The following B3GALT1 variants were observed in gnomAD, a reference collection of about 807,000 sequenced individuals.
The protein encoded by B3GALT1 is beta-1,3-galactosyltransferase 1.
A neutral mutation model predicts 23.2 loss-of-function variants in B3GALT1; 10 were observed. The ratio of observed to expected loss-of-function variants is 0.43; its 90% CI spans 0.27 to 0.73. The LOEUF is 0.73. B3GALT1 is among the 30% of genes least tolerant of loss of function. B3GALT1 has a pLI of 0.21. For missense variants in B3GALT1, 299 were observed against 405.4 expected (o/e 0.74, Z 2.25); for synonymous variants, 156 against 141.5 (o/e 1.10, Z -0.73).
chr2:167,535,316 G>T (rs78027524), intron 2 of B3GALT1, among the ~76,000 whole-genome samples: 1,820 of 152,162 alleles, frequency 0.012, 17 homozygotes, highest in Middle Eastern at 0.02. Flanking sequence ...TGAAAGTGGT[G>T]ACCCTGGAGT....
intron 2 of B3GALT1, among the ~76,000 whole-genome samples, chr2:167,581,501 T>G (rs1684482429): frequency 6.6e-6 from 1 of 152,240 alleles, no homozygotes; most frequent in Non-Finnish European, 1.5e-5. Context: ...GACTAAGTAT[T>G]TCTGCTGGGT....
intron 4 of B3GALT1, among the ~76,000 whole-genome samples, chr2:167,859,495 C>T (rs78551558): frequency 0.062 from 9,447 of 152,224 alleles, 384 homozygotes; most frequent in Non-Finnish European, 0.099. Flanking sequence ...TAGGCCCACA[C>T]ACACAAAGAC....
At chr2:167,644,248 A>AT (rs1685705253) in intron 2 of B3GALT1, among the ~76,000 whole-genome samples, 3 of 152,294 alleles carry the variant, frequency 2.0e-5, no homozygotes, top group Admixed American at 2.0e-4. Context: ...AAGAACACAG[A>AT]TGAATGTGTT....
intron 1 of B3GALT1, among the ~76,000 whole-genome samples, chr2:167,447,449 T>C (rs1321394538): frequency 3.3e-5 from 5 of 152,200 alleles, no homozygotes; most frequent in Non-Finnish European, 7.3e-5. Flanking sequence ...AGCTATGCCC[T>C]GTCTGCAGAG....
At chr2:167,495,418 CTG>C (rs1699770407) in intron 2 of B3GALT1, among the ~76,000 whole-genome samples, 1 of 146,646 alleles carries the variant, frequency 6.8e-6, no homozygotes, top group Non-Finnish European at 1.5e-5. Context: ...ACTGCAACCT[CTG>C]CCTCCTAGGT....
rs1689048129 is a variant in B3GALT1, at chr2:167,818,810, G to A, written c.-230+17G>A. Among the ~76,000 whole-genome samples the A allele has an allele frequency of 6.6e-6, 1 of 152,062 alleles. No homozygotes were observed. The highest frequency in any genetic ancestry group is 6.5e-5 in the Admixed American group (1 of 15,270). ...AGCCAACAGGTAGGCGAGAAACCAGGTAGGCGAGAAACACGTTTCTCAGTT... is the reference window on the plus strand; with the variant it reads ...AGCCAACAGGTAGGCGAGAAACCAGATAGGCGAGAAACACGTTTCTCAGTT... On this transcript the variant is annotated intron_variant, in intron 4 of 4. Transcript: ENST00000392690.
intron 1 of B3GALT1, among the ~76,000 whole-genome samples, chr2:167,331,593 G>T: frequency 6.6e-6 from 1 of 152,164 alleles, no homozygotes; most frequent in Admixed American, 6.5e-5. Flanking sequence ...CAGACCCCAG[G>T]AGGCATGCTT....
intron 2 of B3GALT1, among the ~76,000 whole-genome samples, chr2:167,495,309 T>C (rs577913713): frequency 6.6e-6 from 1 of 151,504 alleles, no homozygotes; most frequent in South Asian, 2.1e-4. Flanking sequence ...TTTTGCTTTT[T>C]TCGCCAGCTT....
intron 1 of B3GALT1, among the ~76,000 whole-genome samples, chr2:167,387,014 T>C (rs1046764274): frequency 6.6e-6 from 1 of 151,780 alleles, no homozygotes; most frequent in African/African-American, 2.4e-5. Flanking sequence ...GGTAGTCTCA[T>C]CATATCATAT....
intron 1 of B3GALT1, among the ~76,000 whole-genome samples, chr2:167,308,719 G>A (rs1481661212): frequency 6.6e-6 from 1 of 151,746 alleles, no homozygotes; most frequent in Non-Finnish European, 1.5e-5. Flanking sequence ...TTCTTTAGTT[G>A]GCAATGGGAA....
At chr2:167,850,373 TAATCAAAA>T (rs1420480936) in intron 4 of B3GALT1, among the ~76,000 whole-genome samples, 4 of 152,046 alleles carry the variant, frequency 2.6e-5, no homozygotes, top group Non-Finnish European at 4.4e-5. Context: ...AAAATGGCCA[TAATCAAAA>T]AATCAAAAAA....
chr2:167,339,104 T>G (rs879677113), intron 1 of B3GALT1, among the ~76,000 whole-genome samples: 6 of 152,130 alleles, frequency 3.9e-5, no homozygotes, highest in Non-Finnish European at 8.8e-5. Context: ...TCTCCTTTTA[T>G]GTGTATACTC....
At chr2:167,740,369 G>A (rs1304201313) in intron 3 of B3GALT1, among the ~76,000 whole-genome samples, 7 of 152,010 alleles carry the variant, frequency 4.6e-5, no homozygotes, top group Non-Finnish European at 1.0e-4. Context: ...CAGGAATGTT[G>A]GTACATGCTG....
chr2:167,338,748 G>A (rs990059609), intron 1 of B3GALT1, among the ~76,000 whole-genome samples: 1 of 151,960 alleles, frequency 6.6e-6, no homozygotes, highest in African/African-American at 2.4e-5. Context: ...GATTAAAAAT[G>A]AATACTTTGA....
chr2:167,494,854 AC>A (rs1699755999), intron 2 of B3GALT1, among the ~76,000 whole-genome samples: 1 of 152,182 alleles, frequency 6.6e-6, no homozygotes, highest in African/African-American at 2.4e-5. Context: ...TAGCTTTCTT[AC>A]AAAAGCTAGA....
At chr2:167,471,764 G>GTGA (rs1265467413) in intron 1 of B3GALT1, among the ~76,000 whole-genome samples, 2 of 152,134 alleles carry the variant, frequency 1.3e-5, no homozygotes, top group African/African-American at 4.8e-5. Flanking sequence ...TAAAGTAGGA[G>GTGA]TGATGATACC....
At chr2:167,698,891 C>G (rs890958133) in intron 3 of B3GALT1, among the ~76,000 whole-genome samples, 13 of 152,176 alleles carry the variant, frequency 8.5e-5, no homozygotes, top group African/African-American at 3.1e-4. Flanking sequence ...CTGAATTTTT[C>G]TCTACTTATC....
intron 1 of B3GALT1, among the ~76,000 whole-genome samples, chr2:167,450,775 C>T (rs1271881298): frequency 6.6e-6 from 1 of 152,114 alleles, no homozygotes; most frequent in South Asian, 2.1e-4. Context: ...CTCAATTATT[C>T]CCCCAAATAT....
At chr2:167,840,164 C>A (rs1351100305) in intron 4 of B3GALT1, among the ~76,000 whole-genome samples, 2,030 of 151,940 alleles carry the variant, frequency 0.013, 11 homozygotes, top group Middle Eastern at 0.02. Context: ...GCAACAAAAG[C>A]CAAAATTGAC....
Sources: allele counts gnomAD v4.1 joint callset (sites outside exome capture counted in the v4.1 genomes callset), GRCh38; gene constraint gnomAD v4.1.1; transcripts MANE v1.5; gene names NCBI Gene and HGNC (gene_info 2026-07-23, HGNC 2026-07-21).